The following CLEC16A variants were observed in gnomAD, a reference collection of about 807,000 sequenced individuals.
CLEC16A encodes protein CLEC16A.
CLEC16A carries 51 observed loss-of-function variants against 109.5 expected under a neutral mutation model. That is an observed-to-expected ratio of 0.47 (90% CI 0.37 to 0.59). The LOEUF (loss-of-function observed/expected upper bound fraction) is 0.59, where lower values mean the gene tolerates loss of function less well. CLEC16A is among the 20% of genes least tolerant of loss of function. The pLI is 0.00. For missense variants in CLEC16A, 1,339 were observed against 1,394.0 expected (o/e 0.96, Z 0.63); for synonymous variants, 673 against 564.2 (o/e 1.19, Z -2.73).
At position 11,174,105 on chromosome 16, in the gene CLEC16A, TC is replaced by T. The variant is rs1567420916; in HGVS notation, c.2807-4227del. ...TGTCCCCTCCATGTCGCCTCTGCCG[TC>T]CCATTGTTAAAGGCTTTCTATGATC... On this transcript the variant is annotated intron_variant, in intron 23 of 23. Coordinates refer to ENST00000409790, the MANE Select transcript of CLEC16A (RefSeq NM_015226.3). The surrounding 1 kb of genome is among the most constrained non-coding windows in gnomAD (Gnocchi z 4.7). The T allele has an allele frequency of 6.6e-6, 3 of 453,040 alleles. No individual in the cohort carries two copies. Among genetic ancestry groups the T allele is most frequent in the South Asian group, 4.7e-5 (3 of 63,592 alleles). The allele number at this position is 453,040 out of a possible 1,614,324, so 28.1% of individuals were successfully genotyped here. A position where few individuals can be genotyped will look rare whatever the true frequency, so the allele number is the denominator to read the frequency against.
intron 19 of CLEC16A, among the ~76,000 whole-genome samples, chr16:11,084,583 C>T (rs1377656044): frequency 6.6e-6 from 1 of 152,208 alleles, no homozygotes; most frequent in Non-Finnish European, 1.5e-5. Context: ...AGACATCTGA[C>T]ACACTTTGCG....
intron 1 of CLEC16A, among the ~76,000 whole-genome samples, chr16:10,951,764 G>T (rs560737434): frequency 2.0e-5 from 3 of 152,226 alleles, no homozygotes; most frequent in African/African-American, 7.2e-5. Flanking sequence ...ATTTGCTGCC[G>T]TTAAGTAGCA....
chr16:11,055,750 T>A (rs971653174), intron 18 of CLEC16A, among the ~76,000 whole-genome samples: 7 of 151,384 alleles, frequency 4.6e-5, no homozygotes, highest in Admixed American at 2.6e-4. Flanking sequence ...GATTTTTTAA[T>A]TTTTTTTGTA....
At chr16:11,029,777 G>T (rs1340937966) in intron 13 of CLEC16A, among the ~76,000 whole-genome samples, 1 of 152,110 alleles carries the variant, frequency 6.6e-6, no homozygotes, top group African/African-American at 2.4e-5. Flanking sequence ...ACATATTTAA[G>T]GTGCACAATT....
intron 19 of CLEC16A, among the ~76,000 whole-genome samples, chr16:11,073,071 A>G (rs770793228): frequency 6.6e-6 from 1 of 152,226 alleles, no homozygotes; most frequent in Non-Finnish European, 1.5e-5. Flanking sequence ...GCCCTGGAGA[A>G]GCGGTTTGCT....
intron 12 of CLEC16A, among the ~76,000 whole-genome samples, chr16:11,020,876 A>G (rs1235953125): frequency 6.6e-6 from 1 of 152,172 alleles, no homozygotes; most frequent in African/African-American, 2.4e-5. Context: ...CATTTCCTGG[A>G]ACCTTGCCAT....
chr16:11,082,630 C>T (rs2049789846), intron 19 of CLEC16A, among the ~76,000 whole-genome samples: 3 of 152,160 alleles, frequency 2.0e-5, no homozygotes, highest in African/African-American at 7.2e-5. Flanking sequence ...CCTGCTGCAT[C>T]CTGGGCCAGC....
At chr16:10,965,547 CTTG>C (rs1445938443) in intron 3 of CLEC16A, among the ~76,000 whole-genome samples, 6 of 152,190 alleles carry the variant, frequency 3.9e-5, no homozygotes, top group Non-Finnish European at 7.3e-5. Context: ...GGAGTGGCAG[CTTG>C]TTGTGCTATA....
intron 18 of CLEC16A, among the ~76,000 whole-genome samples, chr16:11,054,423 A>C (rs2048105821): frequency 6.6e-6 from 1 of 152,198 alleles, no homozygotes; most frequent in African/African-American, 2.4e-5. Context: ...CACATGTCAC[A>C]GAGTTGCAGG....
Position 11,013,052 on chromosome 16 carries a change from T to G in CLEC16A, c.1304-7141T>G, listed in dbSNP as rs564464568. ...CACTCAGACTGCGCCTGTGTGGACA[T>G]GCCAGGGAACTTAACATGTACATCT... On this transcript the variant is annotated intron_variant, in intron 11 of 23. Coordinates refer to ENST00000409790, the MANE Select transcript of CLEC16A (RefSeq NM_015226.3). Among the ~76,000 whole-genome samples, 6 of 152,278 alleles carry G rather than the reference T, an allele frequency of 3.9e-5. No homozygotes were observed. The South Asian group carries it at 6.2e-4, about 16-fold the overall frequency.
At chr16:11,098,048 C>G (rs2050705944) in intron 19 of CLEC16A, among the ~76,000 whole-genome samples, 2 of 152,232 alleles carry the variant, frequency 1.3e-5, no homozygotes, top group South Asian at 2.1e-4. Flanking sequence ...GTGCCCAGGT[C>G]ACACCCCACA....
Position 11,042,383 on chromosome 16 carries a change from T to C in CLEC16A, c.1770+20T>C, listed in dbSNP as rs183287334. On this transcript the variant is annotated intron_variant, in intron 15 of 23. Transcript: ENST00000409790. ...CTGGAGGTAACGCCCTCTCCGCTCC[T>C]CCTTCCTGTGGGCCAAGGGAGAGGG... is the stretch of plus-strand genomic sequence containing the variant. 75 of 1,536,714 alleles carry C rather than the reference T, an allele frequency of 4.9e-5. 1 individual carries two copies. In the East Asian group the frequency reaches 1.8e-3, roughly 37 times the overall value.
At chr16:10,986,587 G>A (rs2043671548) in intron 10 of CLEC16A, among the ~76,000 whole-genome samples, 1 of 152,022 alleles carries the variant, frequency 6.6e-6, no homozygotes, top group Non-Finnish European at 1.5e-5. Flanking sequence ...TCTCCTCTCT[G>A]CATGAGTTTG....
Position 11,166,425 on chromosome 16 carries a change from C to T in CLEC16A, c.2679C>T (p.Ser893=), listed in dbSNP as rs754530357. 3 of 1,606,322 alleles carry T rather than the reference C, an allele frequency of 1.9e-6. No homozygotes were observed. Among genetic ancestry groups the T allele is most frequent in the Non-Finnish European group, 2.5e-6 (3 of 1,179,712 alleles). Residue 893 remains serine, a synonymous_variant, in exon 23 of 24, where the codon TCC becomes TCT. Coordinates refer to ENST00000409790, the MANE Select transcript of CLEC16A (RefSeq NM_015226.3). ...AVAQCINQHS[S]PSLSSQSPPS... ...CCCAGTGCATAAACCAGCACAGCTC[C>T]CCGTCCCTGTCCTCACAGTCGCCAC...
chr16:11,135,710 A>G (rs1043617005), intron 22 of CLEC16A, among the ~76,000 whole-genome samples: 11 of 152,318 alleles, frequency 7.2e-5, no homozygotes, highest in African/African-American at 2.6e-4. Flanking sequence ...CCCATATGCA[A>G]TCTGCCATTT....
intron 11 of CLEC16A, among the ~76,000 whole-genome samples, chr16:11,016,654 C>A (rs568075588): frequency 4.6e-5 from 7 of 152,240 alleles, no homozygotes; most frequent in African/African-American, 1.7e-4. Context: ...AGCTCTTGGC[C>A]ATATCTGTGT....
intron 11 of CLEC16A, among the ~76,000 whole-genome samples, chr16:11,018,860 T>TC (rs2045926766): frequency 6.6e-6 from 1 of 151,120 alleles, no homozygotes; most frequent in African/African-American, 2.4e-5. Flanking sequence ...GGAGGTAAGG[T>TC]CAGAGGTGGA....
chr16:10,970,362 A>G (rs2042720831), intron 4 of CLEC16A, among the ~76,000 whole-genome samples: 1 of 152,180 alleles, frequency 6.6e-6, no homozygotes, highest in Non-Finnish European at 1.5e-5. Flanking sequence ...CCTGCATCCC[A>G]CTGAGTACTT....
chr16:11,044,659 G>T (rs2047537872), intron 16 of CLEC16A, among the ~76,000 whole-genome samples: 1 of 152,152 alleles, frequency 6.6e-6, no homozygotes, highest in Admixed American at 6.5e-5. Flanking sequence ...CGCCAGGCAT[G>T]GTGGCTCATG....
Sources: allele counts gnomAD v4.1 joint callset (sites outside exome capture counted in the v4.1 genomes callset), GRCh38; gene constraint gnomAD v4.1.1; non-coding constraint Gnocchi (gnomAD v3.1); transcripts MANE v1.5; gene names NCBI Gene and HGNC (gene_info 2026-07-23, HGNC 2026-07-21).